The following ZNF277 variants were observed in gnomAD, a reference collection of about 807,000 sequenced individuals.
The protein encoded by ZNF277 is zinc finger protein 277.
Under a neutral mutation model 60.7 loss-of-function variants are expected in ZNF277, and 55 were observed. The observed-to-expected ratio is 0.91, with a 90% CI of 0.73 to 1.13. ZNF277 has a LOEUF of 1.13. Ranked by LOEUF, ZNF277 falls within the 50% of genes most tolerant of loss-of-function variation. The probability of loss-of-function intolerance (pLI) is 0.00; values close to 1 mark genes in which losing one functional copy is unlikely to be tolerated. For synonymous variants in ZNF277, 178 were observed against 179.3 expected, an observed-to-expected ratio of 0.99 and a Z score of 0.06; for missense variants, 510 against 523.0, an observed-to-expected ratio of 0.98 and a Z score of 0.24.
At chr7:112,216,249 G>T (rs946588844) in intron 1 of ZNF277, among the ~76,000 whole-genome samples, 6 of 152,284 alleles carry the variant, frequency 3.9e-5, no homozygotes, top group African/African-American at 1.2e-4. Context: ...GTACAGCTTT[G>T]CAAAAAGCTC....
chr7:112,270,253 T>C (rs1791638679), intron 1 of ZNF277, among the ~76,000 whole-genome samples: 1 of 152,164 alleles, frequency 6.6e-6, no homozygotes, highest in Non-Finnish European at 1.5e-5. Flanking sequence ...TTACATCAAA[T>C]TGAGGTCAGT....
At chr7:112,337,916 T>G (rs1793364888) in intron 9 of ZNF277, 90 bp downstream of exon 9, 1 of 1,076,402 alleles carries the variant, frequency 9.3e-7, no homozygotes, top group African/African-American at 1.6e-5. Flanking sequence ...TACTTCAGTT[T>G]CCCAATCATT....
chr7:112,269,671 C>T (rs1336654428), intron 1 of ZNF277, among the ~76,000 whole-genome samples: 1 of 152,038 alleles, frequency 6.6e-6, no homozygotes, highest in Non-Finnish European at 1.5e-5. Context: ...TTTCTTATCT[C>T]TAAAGTGGGT....
chr7:112,295,767 T>G (rs761601133), intron 2 of ZNF277, 102 bp from the exon 3 acceptor site: 2 of 875,348 alleles, frequency 2.3e-6, no homozygotes, highest in Non-Finnish European at 3.6e-6. Context: ...AACATTTGAT[T>G]TGTTGCTTTG....
intron 1 of ZNF277, among the ~76,000 whole-genome samples, chr7:112,235,642 C>T (rs574979642): frequency 6.0e-4 from 92 of 152,080 alleles, no homozygotes; most frequent in Non-Finnish European, 1.0e-3. Flanking sequence ...GTTCTTTATA[C>T]ATTCTGGATA....
At position 112,339,900 on chromosome 7, in the gene ZNF277, G is replaced by C. The variant is rs200191768; in HGVS notation, c.1009+15G>C. On this transcript the variant is annotated intron_variant, in intron 10 of 11. Coordinates refer to ENST00000361822, the MANE Select transcript of ZNF277 (RefSeq NM_021994.3). ...GTCAGAACTTGGTAAGTTTGATTCA[G>C]AGGTTTTTTTCTGTGATGCTTCATT... The C allele has an allele frequency of 1.7e-4, 276 of 1,607,266 alleles. No homozygotes were observed. The highest frequency in any genetic ancestry group is 2.5e-4 in the Admixed American group (15 of 59,964).
intron 4 of ZNF277, among the ~76,000 whole-genome samples, chr7:112,312,077 A>T (rs996279123): frequency 2.6e-5 from 4 of 152,144 alleles, no homozygotes; most frequent in African/African-American, 9.7e-5. Context: ...AGGGGAGATT[A>T]CAAAGATGAA....
intron 4 of ZNF277, among the ~76,000 whole-genome samples, chr7:112,300,968 C>T (rs1478233047): frequency 6.6e-6 from 1 of 152,012 alleles, no homozygotes; most frequent in Non-Finnish European, 1.5e-5. Context: ...CCTCTTCAGG[C>T]AATTGACACT....
At chr7:112,303,336 A>T (rs1396275047) in intron 4 of ZNF277, among the ~76,000 whole-genome samples, 1 of 152,104 alleles carries the variant, frequency 6.6e-6, no homozygotes, top group Non-Finnish European at 1.5e-5. Context: ...ATAAATAATA[A>T]TATTCTGTTT....
chr7:112,208,674 A>ATTTTTTTTTGTTTTTTTTTTTTT (rs1821647268), intron 1 of ZNF277, among the ~76,000 whole-genome samples: 1 of 72,802 alleles, frequency 1.4e-5, no homozygotes, highest in African/African-American at 6.0e-5. Context: ...GTATGATTTG[A>ATTTTTTTTTGTTTTTTTTTTTTT]TTTTTTTTTT....
At position 112,296,293 on chromosome 7, in the gene ZNF277, G is replaced by A. The variant is rs572668801; in HGVS notation, c.447G>A (p.Glu149=). 8.2e-6 allele frequency: 13 copies of A among 1,585,238 alleles called. No homozygotes were observed. In the South Asian group the frequency reaches 1.5e-4, roughly 18 times the overall value. Residue 149 remains glutamate (E), a synonymous_variant, in exon 4 of 12, where the codon GAG becomes GAA. Transcript: ENST00000361822. ...CAGAAGATAGAATTCTTAGAGAAGAGCTTCAGAAACAGAGACTGGTAAGAA... is the reference window on the plus strand; with the variant it reads ...CAGAAGATAGAATTCTTAGAGAAGAACTTCAGAAACAGAGACTGGTAAGAA... The part of the protein sequence containing the change: ...VLPEDRILRE[E]LQKQRLREIL...
chr7:112,280,420 G>T (rs1489267994), intron 1 of ZNF277, among the ~76,000 whole-genome samples: 2 of 152,082 alleles, frequency 1.3e-5, no homozygotes, highest in African/African-American at 4.8e-5. Flanking sequence ...CAGTTCATTT[G>T]AACAGAGTTG....
At chr7:112,265,550 CAGAG>C (rs1228150867) in intron 1 of ZNF277, among the ~76,000 whole-genome samples, 2 of 152,072 alleles carry the variant, frequency 1.3e-5, no homozygotes, top group Admixed American at 1.3e-4. Context: ...CAAAATTTGA[CAGAG>C]AGATACAAAG....
intron 1 of ZNF277, among the ~76,000 whole-genome samples, chr7:112,286,055 A>T (rs1047255237): frequency 6.6e-6 from 1 of 152,178 alleles, no homozygotes; most frequent in African/African-American, 2.4e-5. Context: ...ACTCTGGCAG[A>T]CTAAAGGGGG....
chr7:112,342,029 T>C lies in ZNF277; in HGVS notation c.1185-532T>C, dbSNP rs375550848. On this transcript the variant is annotated intron_variant, in intron 11 of 11. Coordinates refer to ENST00000361822, the MANE Select transcript of ZNF277 (RefSeq NM_021994.3). ...TTGTGATTACCTAGAAAGAAGGAACTATTAGGCTGGAAAACAAAACACAAG... is the reference window on the plus strand; with the variant it reads ...TTGTGATTACCTAGAAAGAAGGAACCATTAGGCTGGAAAACAAAACACAAG... Among the ~76,000 whole-genome samples, 6 of 152,290 alleles carry C rather than the reference T, an allele frequency of 3.9e-5. No individual in the cohort carries two copies. The East Asian group carries it at 1.2e-3, about 29-fold the overall frequency.
At chr7:112,256,495 T>C (rs1309010559) in intron 1 of ZNF277, among the ~76,000 whole-genome samples, 2 of 139,760 alleles carry the variant, frequency 1.4e-5, no homozygotes, top group Non-Finnish European at 3.1e-5. Context: ...AGTGGCACCA[T>C]CTTGGCTCAC....
chr7:112,212,349 G>A (rs1472032951), intron 1 of ZNF277, among the ~76,000 whole-genome samples: 1 of 152,120 alleles, frequency 6.6e-6, no homozygotes, highest in African/African-American at 2.4e-5. Context: ...ACATGGCAAT[G>A]GAAAGAGGAC....
chr7:112,275,585 T>C (rs1315687194), intron 1 of ZNF277, among the ~76,000 whole-genome samples: 1 of 152,202 alleles, frequency 6.6e-6, no homozygotes, highest in African/African-American at 2.4e-5. Flanking sequence ...CTTGTCTGAT[T>C]TAAATCTACA....
intron 9 of ZNF277, among the ~76,000 whole-genome samples, chr7:112,339,572 G>A (rs1228985095): frequency 1.3e-5 from 2 of 152,194 alleles, no homozygotes; most frequent in Non-Finnish European, 1.5e-5. Context: ...GCCCACCTCG[G>A]TCTCCCAAAG....
Sources: gnomAD v4.1 joint callset for allele counts (sites outside exome capture counted in the v4.1 genomes callset) on GRCh38, gnomAD v4.1.1 for gene constraint, MANE v1.5 for transcripts, NCBI Gene and HGNC (gene_info 2026-07-23, HGNC 2026-07-21) for gene names.